Variants in HOXC4 observed in about 807,000 individuals in gnomAD.
HOXC4 encodes the protein homeobox protein Hox-C4.
A neutral mutation model predicts 25.5 loss-of-function variants in HOXC4; 15 were observed. The observed-to-expected ratio is 0.59, with a 90% CI of 0.39 to 0.91. The LOEUF (loss-of-function observed/expected upper bound fraction) is 0.91, where lower values mean the gene tolerates loss of function less well. Ranked by LOEUF, HOXC4 falls within the 40% of genes least tolerant of loss-of-function variation. The pLI, the probability that HOXC4 is intolerant of heterozygous loss-of-function variation, is 0.00. For synonymous variants in HOXC4, 165 were observed against 148.0 expected (o/e 1.11, Z -0.83); for missense variants, 342 against 352.4 (o/e 0.97, Z 0.24).
In HOXC4 at chr12:54,053,875, G is replaced by A. The variant is rs1260839626; in HGVS notation, c.-48G>A. The A allele has an allele frequency of 1.4e-6, 2 of 1,478,300 alleles. No homozygotes were observed. The highest frequency in any genetic ancestry group is 1.9e-6 in the Non-Finnish European group (2 of 1,069,696). The allele number at this position is 1,478,300 out of a possible 1,614,324, so 91.6% of individuals were successfully genotyped here. A position where few individuals can be genotyped will look rare whatever the true frequency, so the allele number is the denominator to read the frequency against. On this transcript the variant is annotated 5_prime_UTR_variant, in exon 1 of 2. Transcript: ENST00000430889. ...CTAGCTAGTAGGAGGGCTTTATGGA[G>A]CAGAAAAACGACAAAGCGAGAAAAA... is the stretch of plus-strand genomic sequence containing the variant.
At chr12:54,051,653 G>T (rs1592248549), upstream of HOXC4, among the ~76,000 whole-genome samples, 1 of 152,252 alleles carries the variant, frequency 6.6e-6, no homozygotes, top group East Asian at 1.9e-4. Flanking sequence ...CCTGGTTACA[G>T]TGGGGATGGG....
intron 1 of HOXC4, chr12:54,034,184 C>A: frequency 8.0e-7 from 1 of 1,244,822 alleles, no homozygotes; most frequent in East Asian, 2.3e-5. Flanking sequence ...TCCTCTCCCT[C>A]CGGCCGCGGG....
At chr12:54,034,835 G>A in intron 1 of HOXC4, 1 of 313,826 alleles carries the variant, frequency 3.2e-6, no homozygotes, top group South Asian at 3.4e-5. Context: ...GCCTCAGCGC[G>A]GCCCTCCCGA....
chr12:54,036,687 T>G (rs565232466), intron 1 of HOXC4, among the ~76,000 whole-genome samples: 1 of 152,286 alleles, frequency 6.6e-6, no homozygotes, highest in East Asian at 1.9e-4. Flanking sequence ...TCTCTCTCTC[T>G]CTCTCTGAAA....
intron 1 of HOXC4, among the ~76,000 whole-genome samples, chr12:54,043,275 C>T (rs1383900374): frequency 6.6e-6 from 1 of 152,202 alleles, no homozygotes; most frequent in East Asian, 1.9e-4. Context: ...CTACAGTGAT[C>T]TGCAACCCCA....
At chr12:54,049,783 C>T (rs932475867), upstream of HOXC4, among the ~76,000 whole-genome samples, 10 of 150,822 alleles carry the variant, frequency 6.6e-5, no homozygotes, top group African/African-American at 2.2e-4. Flanking sequence ...CACACACACA[C>T]ACACACACAC....
intron 1 of HOXC4, among the ~76,000 whole-genome samples, chr12:54,035,873 G>A (rs1783018509): frequency 6.6e-6 from 1 of 152,164 alleles, no homozygotes. Flanking sequence ...GGGGGTGTTG[G>A]GAGAGTTGGA....
At position 54,031,614 on chromosome 12, in the gene HOXC4, G is replaced by A. The variant is rs150432270; in HGVS notation, c.-124+14200G>A. Among the ~76,000 whole-genome samples the A allele has an allele frequency of 1.9e-3, 295 of 152,326 alleles. 1 individual carries two copies. The highest frequency in any genetic ancestry group is 6.5e-3 in the African/African-American group (271 of 41,572). On this transcript the variant is annotated intron_variant, in intron 1 of 3. Transcript: ENST00000303406. ...AGAAACCTGAGTGGGCCTACAGGGA[G>A]AGGTGTTGAGGAGGGTCTCCGGAGG...
upstream of HOXC4, among the ~76,000 whole-genome samples, chr12:54,051,432 C>CG (rs1465282765): frequency 3.9e-5 from 5 of 129,210 alleles, no homozygotes; most frequent in Non-Finnish European, 8.0e-5. Flanking sequence ...ATTAAGACAA[C>CG]CCCACACAAC....
intron 1 of HOXC4, among the ~76,000 whole-genome samples, chr12:54,041,977 C>CTTTTTT (rs796328359): frequency 3.8e-4 from 44 of 116,672 alleles, no homozygotes; most frequent in Non-Finnish European, 5.0e-4. Flanking sequence ...CTTTTCTTTT[C>CTTTTTT]TTTTTTTTTT....
At chr12:54,034,786 C>T in intron 1 of HOXC4, 1 of 410,432 alleles carries the variant, frequency 2.4e-6, no homozygotes, top group Middle Eastern at 7.3e-4. Context: ...CAGGCTGGCG[C>T]AGAACGAACC....
Position 54,040,469 on chromosome 12 carries a change from C to T in HOXC4, c.-123-12691C>T, listed in dbSNP as rs140149731. 2.0e-3 allele frequency among the ~76,000 whole-genome samples: 307 copies of T among 152,304 alleles called. 1 individual carries two copies. The highest frequency in any genetic ancestry group is 6.8e-3 in the Middle Eastern group (2 of 294). ...GGAGTGATACCCAGCATATTCTAGC[C>T]TCCTCTGTCAGTCCCTGAACCAACT... On this transcript the variant is annotated intron_variant, in intron 1 of 3. Coordinates refer to the HOXC4 transcript ENST00000303406.
intron 1 of HOXC4, among the ~76,000 whole-genome samples, chr12:54,017,684 C>G (rs1940217456): frequency 6.6e-6 from 1 of 152,074 alleles, no homozygotes; most frequent in Non-Finnish European, 1.5e-5. Flanking sequence ...CTGTGGGGCT[C>G]AAGCCGGCGG....
chr12:54,054,093 T>C lies in HOXC4; in HGVS notation c.171T>C (p.Pro57=), dbSNP rs780714919. 8 of 1,613,370 alleles carry C rather than the reference T, an allele frequency of 5.0e-6. No homozygotes were observed. In the East Asian group the frequency reaches 1.1e-4, roughly 22 times the overall value. ...ACCAGGAGCTGTACCCACCACCGCC[T>C]CCGCGCCCTAGCTACCCTGAGCGCC... ...HHHQELYPPP[P]PRPSYPERQY... is the part of the protein sequence containing the mutation. Residue 57 remains proline (P), a synonymous_variant, in exon 1 of 2, where the codon CCT becomes CCC. Coordinates refer to ENST00000430889, the MANE Select transcript of HOXC4 (RefSeq NM_153633.3).
At chr12:54,020,287 T>A (rs1940375343) in intron 1 of HOXC4, 1 of 152,210 alleles carries the variant, frequency 6.6e-6, no homozygotes, top group African/African-American at 2.4e-5. Flanking sequence ...CTGGCAACAT[T>A]CCTTGGAGCC....
intron 1 of HOXC4, among the ~76,000 whole-genome samples, chr12:54,026,829 A>G (rs1295086229): frequency 6.6e-6 from 1 of 152,160 alleles, no homozygotes; most frequent in African/African-American, 2.4e-5. Context: ...TTCTCAGCAT[A>G]GTCCCGTTTA....
intron 1 of HOXC4, among the ~76,000 whole-genome samples, chr12:54,043,126 G>T (rs955235828): frequency 6.6e-6 from 1 of 152,182 alleles, no homozygotes; most frequent in Non-Finnish European, 1.5e-5. Flanking sequence ...AGCCTCTAAG[G>T]ACCACATTTT....
At chr12:54,032,353 T>G (rs888759565) in intron 1 of HOXC4, among the ~76,000 whole-genome samples, 7 of 152,248 alleles carry the variant, frequency 4.6e-5, no homozygotes, top group African/African-American at 7.2e-5. Context: ...CTTCAGAAGC[T>G]AATTCTACTT....
intron 1 of HOXC4, chr12:54,028,976 C>A: frequency 2.0e-6 from 3 of 1,511,486 alleles, no homozygotes; most frequent in African/African-American, 1.4e-5. Context: ...GCTTTATGAC[C>A]GGCTTCCCTA....
Sources: gnomAD v4.1 joint callset for allele counts (sites outside exome capture counted in the v4.1 genomes callset) on GRCh38, gnomAD v4.1.1 for gene constraint, MANE v1.5 for transcripts, NCBI Gene and HGNC (gene_info 2026-07-23, HGNC 2026-07-21) for gene names.